The following TSHR variants were observed in gnomAD, a reference collection of about 807,000 sequenced individuals.
TSHR encodes thyrotropin receptor.
TSHR carries 51 observed loss-of-function variants against 64.1 expected under a neutral mutation model. The observed-to-expected ratio is 0.80, with a 90% CI of 0.64 to 1.01. The LOEUF (loss-of-function observed/expected upper bound fraction) is 1.01. TSHR is among the 50% of genes least tolerant of loss of function. The pLI is 0.00. For missense variants in TSHR, 877 were observed against 942.8 expected (o/e 0.93, Z 0.91); for synonymous variants, 361 against 361.9 (o/e 1.00, Z 0.03).
intron 7 of TSHR, 38 bp from the exon 8 acceptor site, chr14:81,108,337 A>C: frequency 1.4e-5 from 17 of 1,176,930 alleles, no homozygotes; most frequent in Non-Finnish European, 1.9e-5. Flanking sequence ...AAAATCACCT[A>C]ATTCATTCTC....
Position 81,143,271 on chromosome 14 carries a change from T to C in TSHR, c.1213T>C (p.Phe405Leu). The C allele has an allele frequency of 1.9e-6, 3 of 1,613,836 alleles. No homozygotes were observed. The highest frequency in any genetic ancestry group is 1.1e-5 in the South Asian group (1 of 91,058). Residue 405 changes from phenylalanine (F) to leucine (L), a missense_variant, in exon 10 of 10, where the codon TTC (phenylalanine) becomes CTC (leucine). Physicochemically the swap from Phe to Leu is conservative, Grantham distance 22 (BLOSUM62 0). Transcript: ENST00000298171. ...DMVCTPKSDE[F>L]NPCEDIMGYK... ...GGTGTGTACCCCCAAGTCCGATGAG[T>C]TCAACCCGTGTGAAGACATAATGGG...
intron 1 of TSHR, among the ~76,000 whole-genome samples, chr14:80,973,428 A>T (rs1887698952): frequency 6.9e-6 from 1 of 145,138 alleles, no homozygotes; most frequent in African/African-American, 2.5e-5. Context: ...AAAAAAAAAA[A>T]ATCTGTGTAC....
chr14:80,983,971 G>A (rs548592044), intron 1 of TSHR, among the ~76,000 whole-genome samples: 7 of 152,108 alleles, frequency 4.6e-5, no homozygotes, highest in Admixed American at 3.3e-4. Flanking sequence ...GGCTTAAAAT[G>A]GCAAAAAAGA....
Position 81,108,357 on chromosome 14 carries a change from T to TC in TSHR, c.615-18_615-17insC. 3.4e-6 allele frequency: 4 copies of TC among 1,191,844 alleles called. No homozygotes were observed. Among genetic ancestry groups the TC allele is most frequent in the Non-Finnish European group, 4.8e-6 (4 of 833,736 alleles). The allele number at this position is 1,191,844 out of a possible 1,614,324, so 73.8% of individuals were successfully genotyped here. A position where few individuals can be genotyped will look rare whatever the true frequency, so the allele number is the denominator to read the frequency against. On this transcript the variant is annotated splice_polypyrimidine_tract_variant and intron_variant, in intron 7 of 9. Coordinates refer to ENST00000298171, the MANE Select transcript of TSHR (RefSeq NM_000369.5). The stretch of plus-strand genomic sequence containing the variant: ...CACCTAATTCATTCTCTCTCTCTCT[T>TC]TCTCTCTCTCCCTCTAGTTACCTAA...
At chr14:81,130,557 C>A (rs1891195451) in intron 8 of TSHR, among the ~76,000 whole-genome samples, 1 of 152,146 alleles carries the variant, frequency 6.6e-6, no homozygotes, top group African/African-American at 2.4e-5. Context: ...TGCCCCAGGC[C>A]TCCATCTTTG....
In TSHR at chr14:80,960,464, T is replaced by C. The variant is rs905018427; in HGVS notation, c.170+4614T>C. ...GTGAATTATTCTTTTCCATTCTCTC[T>C]CTCCTCTCCCATACATATGAAACAC... is the stretch of plus-strand genomic sequence containing the variant. On this transcript the variant is annotated intron_variant, in intron 1 of 9. Coordinates refer to ENST00000298171, the MANE Select transcript of TSHR (RefSeq NM_000369.5). Among the ~76,000 whole-genome samples the C allele has an allele frequency of 2.6e-5, 4 of 152,180 alleles. No homozygotes were observed. In the East Asian group the frequency reaches 7.7e-4, roughly 29 times the overall value.
intron 3 of TSHR, among the ~76,000 whole-genome samples, chr14:81,085,980 G>T (rs762863826): frequency 1.3e-5 from 2 of 151,962 alleles, no homozygotes; most frequent in Non-Finnish European, 2.9e-5. Flanking sequence ...CAAGGATATG[G>T]GCTTTGCATT....
intron 1 of TSHR, among the ~76,000 whole-genome samples, chr14:80,981,728 G>T (rs1478586394): frequency 2.0e-5 from 3 of 152,136 alleles, no homozygotes; most frequent in Non-Finnish European, 2.9e-5. Context: ...GCTTTGGATT[G>T]TCGGACGACC....
At chr14:80,989,037 A>C (rs531938330) in intron 1 of TSHR, among the ~76,000 whole-genome samples, 1 of 152,306 alleles carries the variant, frequency 6.6e-6, no homozygotes, top group African/African-American at 2.4e-5. Flanking sequence ...GTCTGGGAGC[A>C]CCTCAAATTC....
chr14:81,109,055 T>G, intron 8 of TSHR: 8 of 1,095,500 alleles, frequency 7.3e-6, no homozygotes, highest in East Asian at 4.6e-5. Context: ...ACCTTCCTCA[T>G]TCCCTTGGTT....
chr14:81,017,813 T>C (rs935036655), intron 1 of TSHR, among the ~76,000 whole-genome samples: 1 of 151,046 alleles, frequency 6.6e-6, no homozygotes, highest in Non-Finnish European at 1.5e-5. Context: ...TCACCCCAAA[T>C]GCCGCATTGT....
chr14:81,122,336 C>T (rs1035043431), intron 8 of TSHR, among the ~76,000 whole-genome samples: 1 of 151,702 alleles, frequency 6.6e-6, no homozygotes, highest in Non-Finnish European at 1.5e-5. Context: ...AGCCACCGCT[C>T]CTGGCCTTGA....
At chr14:80,961,148 G>T (rs1887003601) in intron 1 of TSHR, among the ~76,000 whole-genome samples, 1 of 152,130 alleles carries the variant, frequency 6.6e-6, no homozygotes, top group South Asian at 2.1e-4. Flanking sequence ...ACTGAAGAGG[G>T]GCCATATGCC....
At chr14:80,964,150 G>A (rs948572915) in intron 1 of TSHR, among the ~76,000 whole-genome samples, 4 of 152,098 alleles carry the variant, frequency 2.6e-5, no homozygotes, top group Middle Eastern at 3.2e-3. Context: ...GGCGGATCAC[G>A]AGGTCAGGAG....
At chr14:81,117,371 A>T (rs1288515544) in intron 8 of TSHR, among the ~76,000 whole-genome samples, 5 of 117,010 alleles carry the variant, frequency 4.3e-5, no homozygotes, top group Non-Finnish European at 8.3e-5. Flanking sequence ...ATCCCACAGA[A>T]ATACAAACTA....
intron 1 of TSHR, among the ~76,000 whole-genome samples, chr14:81,027,503 G>T (rs1566769906): frequency 6.6e-6 from 1 of 151,988 alleles, no homozygotes; most frequent in African/African-American, 2.4e-5. Flanking sequence ...AAAAGCAAAA[G>T]AATAAAGCTA....
At position 80,988,046 on chromosome 14, in the gene TSHR, GT is replaced by G. The variant is rs1203442240; in HGVS notation, c.170+32197del. Among the ~76,000 whole-genome samples the G allele has an allele frequency of 9.9e-5, 15 of 152,198 alleles. No homozygotes were observed. The East Asian group carries it at 2.3e-3, about 23-fold the overall frequency. ...CTTCCTGAAAATTCTCACCTTTTAG[GT>G]CTGAAGTAGAGGTCTCTTTTGACCT... On this transcript the variant is annotated intron_variant, in intron 1 of 9. Transcript: ENST00000298171.
rs1408066810 is a variant in TSHR, at chr14:81,145,848, A to G, written c.*1495A>G. Reference sequence around the variant, plus strand: ...ATAGCCCCCTAATGTCCTGCTAGAAAAGTCTCCAAGCAGAGATGACATTAC... The same window carrying G: ...ATAGCCCCCTAATGTCCTGCTAGAAGAGTCTCCAAGCAGAGATGACATTAC... On this transcript the variant is annotated 3_prime_UTR_variant, in exon 10 of 10. Transcript: ENST00000298171. The G allele has an allele frequency of 4.3e-6, 1 of 232,566 alleles. No homozygotes were observed. Among genetic ancestry groups the G allele is most frequent in the Non-Finnish European group, 8.5e-6 (1 of 117,712 alleles). 14.4% of individuals were successfully genotyped at this position (232,566 alleles called of 1,614,324 possible).
intron 1 of TSHR, among the ~76,000 whole-genome samples, chr14:80,999,865 T>C (rs1191800879): frequency 6.6e-6 from 1 of 152,112 alleles, no homozygotes; most frequent in Non-Finnish European, 1.5e-5. Context: ...TAGAAGTCAT[T>C]TGTTTGGAAT....
Sources: allele counts gnomAD v4.1 joint callset (sites outside exome capture counted in the v4.1 genomes callset), GRCh38; gene constraint gnomAD v4.1.1; transcripts MANE v1.5; gene names NCBI Gene and HGNC (gene_info 2026-07-23, HGNC 2026-07-21).